The following MAN1A1 variants were observed in gnomAD, a reference collection of about 807,000 sequenced individuals.
MAN1A1 encodes the protein mannosidase alpha class 1A member 1, also known as mannosyl-oligosaccharide 1,2-alpha-mannosidase IA.
A neutral mutation model predicts 70.8 loss-of-function variants in MAN1A1; 29 were observed. The ratio of observed to expected loss-of-function variants is 0.41; its 90% CI spans 0.31 to 0.56. The LOEUF (loss-of-function observed/expected upper bound fraction) is 0.56, where lower values mean the gene tolerates loss of function less well. Ranked by LOEUF, MAN1A1 falls within the 20% of genes least tolerant of loss-of-function variation. MAN1A1 has a pLI of 0.29. For missense variants in MAN1A1, 747 were observed against 841.3 expected (o/e 0.89, Z 1.39); for synonymous variants, 349 against 330.1 (o/e 1.06, Z -0.62).
chr6:119,348,855 C>A lies in MAN1A1; in HGVS notation c.211G>T (p.Gly71Trp). The change falls in exon 2 of 13, where the codon GGG becomes TGG. Residue 71 changes from glycine to tryptophan, a missense_variant. Coordinates refer to ENST00000368468, the MANE Select transcript of MAN1A1 (RefSeq NM_005907.4). The stretch of plus-strand genomic sequence containing the variant: ...GCGGGGCTGGAGTGGAACAGGACCC[C>A]GCTGAGCAGCTTGGAGGAGTCTGGC... The part of the protein sequence containing the change: ...FLPDSSKLLS[G>W]VLFHSSPALQ... The A allele has an allele frequency of 6.6e-7, 1 of 1,524,068 alleles. No homozygotes were observed. The highest frequency in any genetic ancestry group is 8.8e-7 in the Non-Finnish European group (1 of 1,137,702). The allele number at this position is 1,524,068 out of a possible 1,614,324, so 94.4% of individuals were successfully genotyped here. A position where few individuals can be genotyped will look rare whatever the true frequency, so the allele number is the denominator to read the frequency against.
At chr6:119,181,976 T>C (rs1773164657) in intron 11 of MAN1A1, among the ~76,000 whole-genome samples, 2 of 152,220 alleles carry the variant, frequency 1.3e-5, no homozygotes, top group Admixed American at 6.5e-5. Flanking sequence ...ATAATGGCTA[T>C]ATCAATTTTC....
Position 119,185,865 on chromosome 6 carries a change from T to TA in MAN1A1, c.1719+2539dup, listed in dbSNP as rs1374787679. ...CCCAGTTTTTTTTTTTTTTTTTTTT[T>TA]AAATATAAATCTACTAAAAGAACAA... On this transcript the variant is annotated intron_variant, in intron 11 of 12. Coordinates refer to ENST00000368468, the MANE Select transcript of MAN1A1 (RefSeq NM_005907.4). 3.5e-3 allele frequency among the ~76,000 whole-genome samples: 462 copies of TA among 132,416 alleles called. 1 individual carries two copies. Among genetic ancestry groups the TA allele is most frequent in the Middle Eastern group, 0.019 (5 of 270 alleles). The allele number at this position is 132,416 out of a possible 152,430, so 86.9% of individuals were successfully genotyped here. A position where few individuals can be genotyped will look rare whatever the true frequency, so the allele number is the denominator to read the frequency against.
At chr6:119,292,251 G>A (rs570820575) in intron 4 of MAN1A1, among the ~76,000 whole-genome samples, 10 of 150,908 alleles carry the variant, frequency 6.6e-5, no homozygotes, top group African/African-American at 1.7e-4. Flanking sequence ...CACATTTCAA[G>A]CTTTAGTTAG....
In MAN1A1 at chr6:119,255,581, T is replaced by C. The variant is rs534770639; in HGVS notation, c.898-7227A>G. On this transcript the variant is annotated intron_variant, in intron 5 of 12. Coordinates refer to ENST00000368468, the MANE Select transcript of MAN1A1 (RefSeq NM_005907.4). ...AAAAATAACTAATCCAGCAGAAACTTAGAGCTGGAAGGGACATCAAAGGTC... is the reference window on the plus strand; with the variant it reads ...AAAAATAACTAATCCAGCAGAAACTCAGAGCTGGAAGGGACATCAAAGGTC... 1.3e-4 allele frequency among the ~76,000 whole-genome samples: 20 copies of C among 152,354 alleles called. No individual in the cohort carries two copies. The East Asian group carries it at 1.3e-3, about 10-fold the overall frequency.
chr6:119,290,666 A>G lies in MAN1A1; in HGVS notation c.897+17T>C. On this transcript the variant is annotated intron_variant, in intron 5 of 12. Coordinates refer to ENST00000368468, the MANE Select transcript of MAN1A1 (RefSeq NM_005907.4). The stretch of plus-strand genomic sequence containing the variant: ...GACACTTTATAATTCACATTTATAT[A>G]CCACTTTTCATCTTACCTCTTCTCC... 6.3e-7 allele frequency: 1 copy of G among 1,579,120 alleles called. No homozygotes were observed. Among genetic ancestry groups the G allele is most frequent in the Non-Finnish European group, 8.7e-7 (1 of 1,154,052 alleles).
intron 9 of MAN1A1, among the ~76,000 whole-genome samples, chr6:119,190,503 CCT>C (rs1456817619): frequency 6.6e-6 from 1 of 152,164 alleles, no homozygotes; most frequent in African/African-American, 2.4e-5. Flanking sequence ...AACAGGATCT[CCT>C]GATACGACTC....
chr6:119,188,283 G>GA, intron 11 of MAN1A1, 122 bp downstream of exon 11: 1 of 916,726 alleles, frequency 1.1e-6, no homozygotes, highest in Non-Finnish European at 1.6e-6. Flanking sequence ...GTCCTGGGTG[G>GA]AAAAAATCCT....
chr6:119,190,562 A>G (rs1773416135), intron 9 of MAN1A1, among the ~76,000 whole-genome samples: 1 of 152,242 alleles, frequency 6.6e-6, no homozygotes, highest in Non-Finnish European at 1.5e-5. Flanking sequence ...GTGGCACTTG[A>G]TAAGAGTCAT....
chr6:119,306,378 G>A (rs949736042), intron 3 of MAN1A1, among the ~76,000 whole-genome samples: 1 of 152,146 alleles, frequency 6.6e-6, no homozygotes, highest in Non-Finnish European at 1.5e-5. Context: ...ATGCAATAAA[G>A]CTTGCAAAAG....
intron 7 of MAN1A1, 34 bp downstream of exon 7, chr6:119,204,725 G>A: frequency 6.2e-7 from 1 of 1,611,858 alleles, no homozygotes. Flanking sequence ...CATAAGTGTT[G>A]CTTTGCAGGC....
chr6:119,255,832 C>T (rs1775442407), intron 5 of MAN1A1, among the ~76,000 whole-genome samples: 1 of 152,060 alleles, frequency 6.6e-6, no homozygotes, highest in South Asian at 2.1e-4. Context: ...CATTCTGTTT[C>T]TGTAATTGAT....
At chr6:119,344,569 C>T (rs1193551832) in intron 2 of MAN1A1, among the ~76,000 whole-genome samples, 1 of 152,220 alleles carries the variant, frequency 6.6e-6, no homozygotes, top group African/African-American at 2.4e-5. Context: ...GATGTTGAAG[C>T]TTCTTGGGTC....
In MAN1A1 at chr6:119,348,930, G is replaced by T. The variant is rs572065237; in HGVS notation, c.136C>A (p.Leu46Met). The T allele has an allele frequency of 1.3e-6, 2 of 1,533,326 alleles. No homozygotes were observed. Among genetic ancestry groups the T allele is most frequent in the Admixed American group, 4.0e-5 (2 of 49,838 alleles). 95.0% of individuals were successfully genotyped at this position (1,533,326 alleles called of 1,614,324 possible). ...AGCGTGATGAAGGCGCTGAATACCA[G>T]CAGCAGCACGAACTTCTCCGTCAGG... Reference protein sequence around the residue: ...LRLTEKFVLLLVFSAFITLCF... With the variant: ...LRLTEKFVLLMVFSAFITLCF... The change falls in exon 2 of 13, where the codon CTG (leucine) becomes ATG (methionine). Residue 46 changes from leucine (L) to methionine (M), a missense_variant. This residue lies in a region of MAN1A1 where 328 missense variants were observed against 293.1 expected (regional missense o/e 1.12). Coordinates refer to ENST00000368468, the MANE Select transcript of MAN1A1 (RefSeq NM_005907.4).
At chr6:119,253,235 A>C (rs756478059) in intron 5 of MAN1A1, among the ~76,000 whole-genome samples, 1 of 152,210 alleles carries the variant, frequency 6.6e-6, no homozygotes, top group Non-Finnish European at 1.5e-5. Flanking sequence ...GGTAATGGTC[A>C]CTGTTTGGTG....
intron 11 of MAN1A1, among the ~76,000 whole-genome samples, chr6:119,185,908 GA>G (rs1248047578): frequency 6.9e-6 from 1 of 144,880 alleles, no homozygotes; most frequent in East Asian, 2.0e-4. Context: ...CATAAGCTGT[GA>G]AAAAATCACA....
intron 8 of MAN1A1, 33 bp from the exon 9 acceptor site, chr6:119,193,925 T>C (rs753583093): frequency 6.4e-6 from 9 of 1,413,280 alleles, no homozygotes; most frequent in Non-Finnish European, 9.0e-6. Context: ...TTTAGAGTGA[T>C]TCAGCTTTTA....
intron 5 of MAN1A1, among the ~76,000 whole-genome samples, chr6:119,263,968 T>C (rs1215622488): frequency 6.6e-6 from 1 of 152,236 alleles, no homozygotes; most frequent in Non-Finnish European, 1.5e-5. Context: ...TTCCTTCAGT[T>C]CTTGACCCAG....
intron 11 of MAN1A1, among the ~76,000 whole-genome samples, chr6:119,186,152 C>T (rs1773286716): frequency 6.6e-6 from 1 of 152,090 alleles, no homozygotes; most frequent in Non-Finnish European, 1.5e-5. Context: ...AACTTTCTAA[C>T]ACCTTCAATA....
chr6:119,189,489 T>C (rs933993596), intron 10 of MAN1A1, among the ~76,000 whole-genome samples, 175 bp downstream of exon 10: 1 of 152,180 alleles, frequency 6.6e-6, no homozygotes, highest in East Asian at 1.9e-4. Context: ...GGTAGATATT[T>C]TTAGGAAGAA....
Sources: gnomAD v4.1 joint callset for allele counts (sites outside exome capture counted in the v4.1 genomes callset) on GRCh38, gnomAD v4.1.1 for gene constraint, gnomAD v4.1.1 regional missense constraint, MANE v1.5 for transcripts, NCBI Gene and HGNC (gene_info 2026-07-23, HGNC 2026-07-21) for gene names.